Variants in TM9SF4 observed in about 807,000 individuals in gnomAD.
TM9SF4 encodes the protein transmembrane 9 superfamily member 4.
Under a neutral mutation model 90.4 loss-of-function variants are expected in TM9SF4, and 26 were observed. That is an observed-to-expected ratio of 0.29 (90% CI 0.21 to 0.40). TM9SF4 has a LOEUF of 0.40. Among genes scored for constraint, TM9SF4 ranks in the 10% least tolerant of loss-of-function variants. TM9SF4 has a pLI of 1.00. For synonymous variants in TM9SF4, 293 were observed against 315.4 expected, an observed-to-expected ratio of 0.93 and a Z score of 0.75; for missense variants, 549 against 834.8, an observed-to-expected ratio of 0.66 and a Z score of 4.22.
chr20:32,157,821 C>T lies in TM9SF4; in HGVS notation c.1357C>T (p.Leu453=), dbSNP rs1406746270. 3.0e-5 allele frequency: 48 copies of T among 1,614,040 alleles called. No homozygotes were observed. The highest frequency in any genetic ancestry group is 3.7e-5 in the Non-Finnish European group (44 of 1,180,020). Residue 453 remains leucine (L), a synonymous_variant, in exon 14 of 18, where the codon CTG becomes TTG. Transcript: ENST00000398022. ...GCCCTTTCCCACCATGGTGGCTCTG[C>T]TGTGCATGTGGTTCGGGATCTCCCT... The part of the protein sequence containing the change: ...AVPFPTMVAL[L]CMWFGISLPL...
intron 17 of TM9SF4, among the ~76,000 whole-genome samples, chr20:32,164,253 A>G (rs551844258): frequency 2.0e-4 from 31 of 151,532 alleles, no homozygotes; most frequent in African/African-American, 7.3e-4. Context: ...CTGGGTGCAT[A>G]TGGTTCACAC....
At chr20:32,145,044 G>T in intron 6 of TM9SF4, 47 bp from the exon 7 acceptor site, 1 of 1,589,474 alleles carries the variant, frequency 6.3e-7, no homozygotes, top group Non-Finnish European at 8.6e-7. Context: ...CCCCTGGGCA[G>T]TGGCACTGGC....
chr20:32,140,091 G>T (rs778295249), intron 3 of TM9SF4, among the ~76,000 whole-genome samples: 1 of 152,198 alleles, frequency 6.6e-6, no homozygotes, highest in African/African-American at 2.4e-5. Context: ...ACATGTTCAC[G>T]GATGAATGAA....
intron 1 of TM9SF4, among the ~76,000 whole-genome samples, chr20:32,122,658 G>A (rs1275921512): frequency 3.3e-5 from 5 of 151,220 alleles, no homozygotes; most frequent in African/African-American, 1.2e-4. Flanking sequence ...GATGGCGGCC[G>A]GGCAGAGACG....
intron 1 of TM9SF4, among the ~76,000 whole-genome samples, chr20:32,111,913 T>G (rs1209280702): frequency 1.3e-5 from 2 of 152,184 alleles, no homozygotes; most frequent in African/African-American, 4.8e-5. Context: ...CAAGAGCAAC[T>G]GTTTTGAGAA....
Position 32,144,992 on chromosome 20 carries a change from G to C in TM9SF4, c.653-99G>C, listed in dbSNP as rs946585677. ...GTCTCCACTCCCACCCTAGAGGCTGGGTCTCCGCGACAGGCAGCCTTGAGG... is the reference window on the plus strand; with the variant it reads ...GTCTCCACTCCCACCCTAGAGGCTGCGTCTCCGCGACAGGCAGCCTTGAGG... On this transcript the variant is annotated intron_variant, in intron 6 of 17. Transcript: ENST00000398022. The C allele has an allele frequency of 2.0e-5, 21 of 1,065,906 alleles. No individual in the cohort carries two copies. In the African/African-American group the frequency reaches 3.1e-4, roughly 16 times the overall value. The allele number at this position is 1,065,906 out of a possible 1,614,324, so 66.0% of individuals were successfully genotyped here. A position where few individuals can be genotyped will look rare whatever the true frequency, so the allele number is the denominator to read the frequency against.
intron 1 of TM9SF4, among the ~76,000 whole-genome samples, chr20:32,128,712 A>ACG (rs2046460219): frequency 3.9e-5 from 6 of 152,134 alleles, no homozygotes; most frequent in African/African-American, 7.2e-5. Context: ...TTCACGTAAG[A>ACG]TAATAGTCTC....
intron 1 of TM9SF4, among the ~76,000 whole-genome samples, chr20:32,132,419 C>T (rs936119291): frequency 2.0e-5 from 3 of 151,150 alleles, no homozygotes; most frequent in Admixed American, 1.3e-4. Context: ...GAGAGATGTG[C>T]CGTGCAGGTG....
chr20:32,121,511 G>A (rs979090752), intron 1 of TM9SF4, among the ~76,000 whole-genome samples: 5 of 151,742 alleles, frequency 3.3e-5, no homozygotes, highest in African/African-American at 4.8e-5. Flanking sequence ...GAGAGCACAG[G>A]GTTGGGGGTA....
At chr20:32,115,807 CTT>C (rs386393622) in intron 1 of TM9SF4, among the ~76,000 whole-genome samples, 39 of 95,156 alleles carry the variant, frequency 4.1e-4, no homozygotes, top group African/African-American at 1.5e-3. Context: ...CCACTTTAAG[CTT>C]TTTTTTTTTT....
intron 1 of TM9SF4, among the ~76,000 whole-genome samples, chr20:32,130,222 G>A (rs559036829): frequency 2.6e-5 from 4 of 152,294 alleles, no homozygotes; most frequent in South Asian, 2.1e-4. Context: ...AGCATATTAC[G>A]AAAATATCCT....
At chr20:32,147,536 G>A (rs4911548) in intron 9 of TM9SF4, among the ~76,000 whole-genome samples, 64,274 of 151,960 alleles carry the variant, frequency 0.42, 13,956 homozygotes, top group East Asian at 0.74. Context: ...AAGAATTCAT[G>A]CAAAATCTCT....
chr20:32,142,872 T>G, intron 5 of TM9SF4, 110 bp from the exon 6 acceptor site: 1 of 1,441,718 alleles, frequency 6.9e-7, no homozygotes, highest in Non-Finnish European at 9.5e-7. Context: ...GAGAACAGTG[T>G]TTTAGGAAGG....
At chr20:32,148,037 G>A (rs2046788783) in intron 9 of TM9SF4, among the ~76,000 whole-genome samples, 1 of 150,868 alleles carries the variant, frequency 6.6e-6, no homozygotes, top group Non-Finnish European at 1.5e-5. Flanking sequence ...CTTGAACCTG[G>A]GAGGTAGAGG....
chr20:32,143,591 T>C (rs548032137), intron 6 of TM9SF4, among the ~76,000 whole-genome samples: 239 of 152,294 alleles, frequency 1.6e-3, no homozygotes, highest in Non-Finnish European at 2.2e-3. Context: ...TGCGGGAGTT[T>C]GAGAGTCCAG....
rs563705753 is a variant in TM9SF4, at chr20:32,141,966, G to A, written c.528+71G>A. The A allele has an allele frequency of 2.7e-5, 43 of 1,596,994 alleles. No homozygotes were observed. The Admixed American group carries it at 4.3e-4, about 16-fold the overall frequency. Reference sequence around the variant, plus strand: ...CGAGTCCTGAGCACTTGGGGCCACAGAAAAGGTGGGGCTCGGCCACAGCAA... The same window carrying A: ...CGAGTCCTGAGCACTTGGGGCCACAAAAAAGGTGGGGCTCGGCCACAGCAA... On this transcript the variant is annotated intron_variant, in intron 5 of 17. Coordinates refer to ENST00000398022, the MANE Select transcript of TM9SF4 (RefSeq NM_014742.4).
chr20:32,163,272 T>A lies in TM9SF4; in HGVS notation c.1779+1907T>A, dbSNP rs1208562715. 3.9e-3 allele frequency among the ~76,000 whole-genome samples: 281 copies of A among 71,148 alleles called. 3 individuals are homozygous for A. The highest frequency in any genetic ancestry group is 6.4e-3 in the Middle Eastern group (1 of 156). The allele number at this position is 71,148 out of a possible 152,430, so 46.7% of individuals were successfully genotyped here. On this transcript the variant is annotated intron_variant, in intron 17 of 17. Coordinates refer to ENST00000398022, the MANE Select transcript of TM9SF4 (RefSeq NM_014742.4). ...AAAAAAAAAAAAAAAAAAAAAAATATATATATATATATATATATATATATG... is the reference window on the plus strand; with the variant it reads ...AAAAAAAAAAAAAAAAAAAAAAATAAATATATATATATATATATATATATG...
intron 3 of TM9SF4, among the ~76,000 whole-genome samples, chr20:32,138,413 G>T (rs2046624456): frequency 6.6e-6 from 1 of 152,224 alleles, no homozygotes; most frequent in Non-Finnish European, 1.5e-5. Context: ...CGGATCACCT[G>T]AGGTCAAGAG....
chr20:32,161,153 C>G, intron 16 of TM9SF4, 123 bp from the exon 17 acceptor site: 1 of 733,906 alleles, frequency 1.4e-6, no homozygotes, highest in Non-Finnish European at 2.3e-6. Flanking sequence ...AGCTGTGAAA[C>G]ATTTCCATCA....
Sources: allele counts gnomAD v4.1 joint callset (sites outside exome capture counted in the v4.1 genomes callset), GRCh38; gene constraint gnomAD v4.1.1; transcripts MANE v1.5; gene names NCBI Gene and HGNC (gene_info 2026-07-23, HGNC 2026-07-21).